DPH7: variants seen among roughly 807,000 people sequenced by gnomAD.
The protein encoded by DPH7 is diphthamide biosynthesis 7.
In DPH7, 44 loss-of-function variants were observed where a neutral mutation model predicts 41.7. The ratio of observed to expected loss-of-function variants is 1.05; its 90% CI spans 0.83 to 1.36. DPH7 has a LOEUF of 1.36. DPH7 is among the 40% of genes most tolerant of loss of function. The probability of loss-of-function intolerance (pLI) is 0.00; values close to 1 mark genes in which losing one functional copy is unlikely to be tolerated. For synonymous variants in DPH7, 275 were observed against 238.0 expected (o/e 1.16, Z -1.43); for missense variants, 629 against 577.5 (o/e 1.09, Z -0.91).
At chr9:137,558,468 C>T (rs1837908617) in intron 8 of DPH7, among the ~76,000 whole-genome samples, 1 of 152,138 alleles carries the variant, frequency 6.6e-6, no homozygotes, top group Non-Finnish European at 1.5e-5. Context: ...AGAGGATGAA[C>T]AGACAGAATG....
intron 8 of DPH7, among the ~76,000 whole-genome samples, chr9:137,562,783 G>C (rs1838850470): frequency 6.6e-6 from 1 of 151,750 alleles, no homozygotes; most frequent in African/African-American, 2.4e-5. Flanking sequence ...CCTGGCCAAC[G>C]TGGTGAAACC....
chr9:137,572,441 T>C (rs1354792647), intron 5 of DPH7, among the ~76,000 whole-genome samples: 2 of 152,104 alleles, frequency 1.3e-5, no homozygotes, highest in African/African-American at 2.4e-5. Context: ...TGCGATAAAG[T>C]GTGTGTGTTT....
intron 1 of DPH7, 23 bp downstream of exon 1, chr9:137,578,601 CT>C: frequency 6.8e-7 from 1 of 1,460,924 alleles, no homozygotes; most frequent in Non-Finnish European, 9.0e-7. Context: ...CCGCCCTCCC[CT>C]CCCGAAGCCG....
At chr9:137,569,259 C>T (rs1157511085) in intron 5 of DPH7, among the ~76,000 whole-genome samples, 1 of 149,238 alleles carries the variant, frequency 6.7e-6, no homozygotes, top group East Asian at 2.0e-4. Context: ...ACCATCTATC[C>T]ACCCCCCGAC....
chr9:137,555,049 C>A lies in DPH7; in HGVS notation c.*190G>T. On this transcript the variant is annotated 3_prime_UTR_variant, in exon 9 of 9. Coordinates refer to ENST00000277540, the MANE Select transcript of DPH7 (RefSeq NM_138778.5). The stretch of plus-strand genomic sequence containing the variant: ...TCTCTGCCAGACAGAATCACCCAGT[C>A]CACTTTCAGGGGCCCAGCAGGGAAG... 1.6e-6 allele frequency: 1 copy of A among 609,140 alleles called. No homozygotes were observed. Among genetic ancestry groups the A allele is most frequent in the Non-Finnish European group, 2.5e-6 (1 of 393,584 alleles). The allele number at this position is 609,140 out of a possible 1,614,324, so 37.7% of individuals were successfully genotyped here.
chr9:137,559,977 G>A (rs972672077), intron 8 of DPH7, among the ~76,000 whole-genome samples: 5 of 152,300 alleles, frequency 3.3e-5, no homozygotes, highest in African/African-American at 1.2e-4. Flanking sequence ...CTGTGGGGCT[G>A]GTCCCTGCAC....
chr9:137,573,077 G>C (rs1194616948), intron 5 of DPH7, among the ~76,000 whole-genome samples: 1 of 152,210 alleles, frequency 6.6e-6, no homozygotes, highest in Non-Finnish European at 1.5e-5. Context: ...TAAAGAATAA[G>C]TGGGCGGGGC....
intron 4 of DPH7, 86 bp downstream of exon 4, chr9:137,574,666 T>C: frequency 4.6e-6 from 6 of 1,306,130 alleles, no homozygotes; most frequent in Non-Finnish European, 6.5e-6. Flanking sequence ...CGCAGCTCGC[T>C]GAAGGTGGCT....
At chr9:137,558,839 A>G (rs562879023) in intron 8 of DPH7, among the ~76,000 whole-genome samples, 9 of 152,226 alleles carry the variant, frequency 5.9e-5, no homozygotes, top group African/African-American at 1.9e-4. Flanking sequence ...GGTTCAACCG[A>G]TTCTCCTGAC....
intron 8 of DPH7, 115 bp downstream of exon 8, chr9:137,564,318 AG>A: frequency 2.3e-6 from 3 of 1,315,502 alleles, no homozygotes; most frequent in Non-Finnish European, 3.1e-6. Context: ...GTAAAAGCTG[AG>A]GGAAGAGCCC....
In DPH7 at chr9:137,555,476, T is replaced by C. The variant is rs747420207; in HGVS notation, c.1122A>G (p.Pro374=). ...TADLKGASEL[P]TPCHECREDN... Reference sequence around the variant, plus strand: ...CCTCTCTGCATTCATGACAGGGTGTTGGCAACTCGCTTGCACCCTTCAGGT... The same window carrying C: ...CCTCTCTGCATTCATGACAGGGTGTCGGCAACTCGCTTGCACCCTTCAGGT... The change falls in exon 9 of 9, where the codon CCA becomes CCG. Residue 374 remains proline, a synonymous_variant. Coordinates refer to ENST00000277540, the MANE Select transcript of DPH7 (RefSeq NM_138778.5). 6.8e-6 allele frequency: 11 copies of C among 1,614,038 alleles called. No homozygotes were observed. The South Asian group carries it at 1.1e-4, about 16-fold the overall frequency.
Position 137,555,646 on chromosome 9 carries a change from C to T in DPH7, c.952G>A (p.Glu318Lys). The change falls in exon 9 of 9, where the codon GAG (glutamate) becomes AAG (lysine). Residue 318 changes from glutamate to lysine, a missense_variant and splice_region_variant. Physicochemically the swap from Glu to Lys is moderately conservative, Grantham distance 56 (BLOSUM62 1). Coordinates refer to ENST00000277540, the MANE Select transcript of DPH7 (RefSeq NM_138778.5). ...KILNCQKAME[E>K]RQEATVLTSH... ...GTCAGGACCGTCGCCTCCTGCCTCT[C>T]CTCTGGAGTGAGAGATGGGAGAACC... The T allele has an allele frequency of 2.5e-6, 4 of 1,587,380 alleles. No individual in the cohort carries two copies. Among genetic ancestry groups the T allele is most frequent in the Non-Finnish European group, 3.4e-6 (4 of 1,163,758 alleles).
At chr9:137,563,167 G>GA (rs1195763447) in intron 8 of DPH7, among the ~76,000 whole-genome samples, 6 of 151,236 alleles carry the variant, frequency 4.0e-5, no homozygotes, top group Non-Finnish European at 7.4e-5. Flanking sequence ...AAAACGATGA[G>GA]AAATACAAAG....
At chr9:137,578,012 T>C in intron 1 of DPH7, 1 of 985,320 alleles carries the variant, frequency 1.0e-6, no homozygotes. Context: ...ATAGAAGACG[T>C]TCTGCTCTCA....
chr9:137,554,457 A>T lies in DPH7; in HGVS notation c.*782T>A, dbSNP rs76383894. On this transcript the variant is annotated 3_prime_UTR_variant, in exon 9 of 9. Transcript: ENST00000277540. ...GGTTGTCCTCAATTATTGTTTATAC[A>T]ATTTTTTATTATTTAATTTTTAGAG... is the stretch of plus-strand genomic sequence containing the variant. Among the ~76,000 whole-genome samples the T allele has an allele frequency of 0.027, 4,157 of 152,158 alleles. 183 individuals are homozygous for T. Among genetic ancestry groups the T allele is most frequent in the African/African-American group, 0.088 (3,640 of 41,488 alleles).
Position 137,564,901 on chromosome 9 carries a change from G to A in DPH7, c.768C>T (p.Ala256=). Residue 256 remains alanine, a synonymous_variant, in exon 7 of 9, where the codon GCC becomes GCT. Coordinates refer to ENST00000277540, the MANE Select transcript of DPH7 (RefSeq NM_138778.5). ...GCCTCCTGGGGACTCACCTTCCCGT[G>A]GCCAGGATGTGCTCCCGATGAGGGC... The part of the protein sequence containing the change: ...QSSPHREHIL[A]TGSYDEHILL... The A allele has an allele frequency of 1.3e-6, 2 of 1,595,686 alleles. No homozygotes were observed. The highest frequency in any genetic ancestry group is 1.7e-6 in the Non-Finnish European group (2 of 1,171,220).
chr9:137,578,106 C>T (rs553263966), intron 1 of DPH7: 1 of 433,310 alleles, frequency 2.3e-6, no homozygotes, highest in African/African-American at 2.1e-5. Context: ...TGCCCTGAGC[C>T]CTGGAGTCCG....
In DPH7 at chr9:137,578,832, G is replaced by A. The variant is rs1564480558; in HGVS notation, c.-55C>T. ...CAGTAGAGGCGGGTCGGCGGGGCCG[G>A]GCTGGGTACTGCGCGGGGCGGCGAG... On this transcript the variant is annotated 5_prime_UTR_variant, in exon 1 of 9. Transcript: ENST00000277540. The A allele has an allele frequency of 8.0e-6, 11 of 1,368,872 alleles. No homozygotes were observed. Among genetic ancestry groups the A allele is most frequent in the East Asian group, 3.1e-5 (1 of 32,342 alleles). The allele number at this position is 1,368,872 out of a possible 1,614,324, so 84.8% of individuals were successfully genotyped here.
intron 8 of DPH7, among the ~76,000 whole-genome samples, chr9:137,558,279 C>T (rs1009350524): frequency 2.6e-5 from 4 of 152,182 alleles, no homozygotes; most frequent in Non-Finnish European, 5.9e-5. Context: ...CCTGTAATCC[C>T]GACACTGAGG....
Sources: allele counts gnomAD v4.1 joint callset (sites outside exome capture counted in the v4.1 genomes callset), GRCh38; gene constraint gnomAD v4.1.1; transcripts MANE v1.5; gene names NCBI Gene and HGNC (gene_info 2026-07-23, HGNC 2026-07-21).